The following TRPM1 variants were observed in gnomAD, a reference collection of about 807,000 sequenced individuals.
The protein encoded by TRPM1 is transient receptor potential cation channel subfamily M member 1.
A neutral mutation model predicts 149.4 loss-of-function variants in TRPM1; 113 were observed. The observed-to-expected ratio is 0.76, with a 90% CI of 0.65 to 0.88. TRPM1 has a LOEUF of 0.88. Among genes scored for constraint, TRPM1 ranks in the 40% least tolerant of loss-of-function variants. TRPM1 has a pLI of 0.00. For missense variants in TRPM1, 1,976 were observed against 2,038.7 expected (o/e 0.97, Z 0.59); for synonymous variants, 741 against 759.5 (o/e 0.98, Z 0.40).
At chr15:31,034,027 A>T (rs1434722991) in intron 21 of TRPM1, among the ~76,000 whole-genome samples, 2 of 152,204 alleles carry the variant, frequency 1.3e-5, no homozygotes, top group African/African-American at 4.8e-5. Flanking sequence ...AAGGGTCAAC[A>T]ATTACTGCAA....
At chr15:31,070,488 T>A (rs1280886378) in intron 3 of TRPM1, 1 of 687,332 alleles carries the variant, frequency 1.5e-6, no homozygotes, top group East Asian at 2.8e-5. Flanking sequence ...TTTTGATGTC[T>A]TGATAACATC....
At chr15:31,129,478 G>A (rs970053838) in intron 1 of TRPM1, among the ~76,000 whole-genome samples, 4 of 152,120 alleles carry the variant, frequency 2.6e-5, no homozygotes, top group African/African-American at 7.2e-5. Flanking sequence ...CCACCTGGCC[G>A]CCTCCAGTGC....
intron 9 of TRPM1, among the ~76,000 whole-genome samples, chr15:31,062,272 CAG>C (rs1461727861): frequency 1.3e-5 from 2 of 152,202 alleles, no homozygotes; most frequent in African/African-American, 2.4e-5. Flanking sequence ...ACATGCCTGA[CAG>C]GGTGGTATGT....
intron 1 of TRPM1, among the ~76,000 whole-genome samples, chr15:31,150,861 G>A (rs2036292716): frequency 6.6e-6 from 1 of 152,142 alleles, no homozygotes; most frequent in Admixed American, 6.5e-5. Context: ...GCCCAGACAT[G>A]CCTGCCATGG....
chr15:31,159,349 G>A (rs1466305857), intron 1 of TRPM1, among the ~76,000 whole-genome samples: 3 of 152,160 alleles, frequency 2.0e-5, no homozygotes, highest in Non-Finnish European at 4.4e-5. Flanking sequence ...ACAAAAGCCT[G>A]TTCCTTTTCA....
intron 1 of TRPM1, among the ~76,000 whole-genome samples, chr15:31,113,684 C>T (rs938003618): frequency 2.0e-5 from 3 of 152,156 alleles, no homozygotes; most frequent in Non-Finnish European, 2.9e-5. Flanking sequence ...CGTTTTAAGA[C>T]TACTGTGCCC....
At chr15:31,098,459 C>G (rs1225119713) in intron 1 of TRPM1, among the ~76,000 whole-genome samples, 1 of 152,106 alleles carries the variant, frequency 6.6e-6, no homozygotes, top group Non-Finnish European at 1.5e-5. Flanking sequence ...TAATACACGT[C>G]AAACACTAAG....
intron 1 of TRPM1, among the ~76,000 whole-genome samples, chr15:31,088,596 C>A (rs1318393940): frequency 6.6e-6 from 1 of 152,224 alleles, no homozygotes; most frequent in Non-Finnish European, 1.5e-5. Context: ...GCCAAGAACC[C>A]ACCGGAAGGA....
chr15:31,131,345 A>G (rs1468541885), intron 1 of TRPM1, among the ~76,000 whole-genome samples: 1 of 152,218 alleles, frequency 6.6e-6, no homozygotes, highest in Non-Finnish European at 1.5e-5. Flanking sequence ...TTCAGTGAAA[A>G]GGTGAAAGTC....
exon 1 of TRPM1, chr15:31,160,980 G>A (rs1567086438): frequency 6.5e-7 from 1 of 1,535,448 alleles, no homozygotes; most frequent in East Asian, 2.4e-5. Flanking sequence ...GAGCCTGTGA[G>A]CCACCCTGCT....
intron 2 of TRPM1, among the ~76,000 whole-genome samples, chr15:31,077,393 T>C (rs549743660): frequency 1.1e-4 from 17 of 152,148 alleles, no homozygotes; most frequent in Non-Finnish European, 2.4e-4. Context: ...GAGGCCCTGC[T>C]GGTGCTGGAT....
At position 31,088,842 on chromosome 15, in the gene TRPM1, G is replaced by A. The variant is rs556960337; in HGVS notation, c.-83-7404C>T. On this transcript the variant is annotated intron_variant, in intron 1 of 27. Transcript: ENST00000256552. ...GAGGAGGCCTTTGTACCGGGGCGAT[G>A]CGATAAGCCCTGCTGCGGGTATTGA... Among the ~76,000 whole-genome samples, 12 of 148,466 alleles carry A rather than the reference G, an allele frequency of 8.1e-5. No individual in the cohort carries two copies. In the South Asian group the frequency reaches 2.4e-3, roughly 30 times the overall value.
At chr15:31,077,069 A>G (rs2140977283) in intron 2 of TRPM1, 85 bp from the exon 3 acceptor site, 1 of 864,486 alleles carries the variant, frequency 1.2e-6, no homozygotes, top group Non-Finnish European at 1.9e-6. Context: ...ATAAAACAAT[A>G]TGTCTGCCCA....
intron 1 of TRPM1, among the ~76,000 whole-genome samples, chr15:31,097,698 C>T (rs1025020235): frequency 5.3e-5 from 8 of 152,182 alleles, no homozygotes; most frequent in East Asian, 1.9e-4. Flanking sequence ...AAAAAAAAAG[C>T]GTAGTAAAAT....
chr15:31,146,105 T>C (rs1596101496), intron 1 of TRPM1, among the ~76,000 whole-genome samples: 1 of 152,174 alleles, frequency 6.6e-6, no homozygotes, highest in South Asian at 2.1e-4. Context: ...ATTAAACTCC[T>C]TATCGTCACA....
intron 27 of TRPM1, among the ~76,000 whole-genome samples, chr15:31,014,860 G>A (rs35891405): frequency 0.23 from 34,953 of 152,008 alleles, 4,565 homozygotes; most frequent in Non-Finnish European, 0.29. Context: ...CAGAGTTTCC[G>A]TTTTCTATCC....
At chr15:31,130,893 C>T (rs983401107) in intron 1 of TRPM1, among the ~76,000 whole-genome samples, 14 of 152,188 alleles carry the variant, frequency 9.2e-5, no homozygotes, top group Non-Finnish European at 1.8e-4. Context: ...ATCTCCCGTA[C>T]GGCCAGCTCT....
intron 20 of TRPM1, chr15:31,036,069 T>A: frequency 3.0e-6 from 1 of 333,582 alleles, no homozygotes; most frequent in South Asian, 2.5e-5. Flanking sequence ...ATTTCCTTCC[T>A]GATTCTTTCC....
At chr15:31,066,685 A>C (rs540269808) in intron 6 of TRPM1, among the ~76,000 whole-genome samples, 1 of 152,332 alleles carries the variant, frequency 6.6e-6, no homozygotes, top group Admixed American at 6.5e-5. Flanking sequence ...TGGAGTGAAA[A>C]AAAAGCCAAT....
Sources: gnomAD v4.1 joint callset for allele counts (sites outside exome capture counted in the v4.1 genomes callset) on GRCh38, gnomAD v4.1.1 for gene constraint, MANE v1.5 for transcripts, NCBI Gene and HGNC (gene_info 2026-07-23, HGNC 2026-07-21) for gene names.